The following CFAP74 variants were observed in gnomAD, a reference collection of about 807,000 sequenced individuals.
CFAP74 encodes cilia and flagella associated protein 74.
Under a neutral mutation model 188.9 loss-of-function variants are expected in CFAP74, and 124 were observed. The observed-to-expected ratio is 0.66, with a 90% CI of 0.57 to 0.76. The LOEUF is 0.76. Ranked by LOEUF, CFAP74 falls within the 30% of genes least tolerant of loss-of-function variation. The pLI, the probability that CFAP74 is intolerant of heterozygous loss-of-function variation, is 0.00. For missense variants in CFAP74, 2,198 were observed against 2,165.2 expected, an observed-to-expected ratio of 1.02 and a Z score of -0.30; for synonymous variants, 956 against 916.7, an observed-to-expected ratio of 1.04 and a Z score of -0.77.
rs1652031334 is a variant in CFAP74 at position 1,927,763 on chromosome 1, T to G, written c.3388-17A>C. The G allele has an allele frequency of 1.3e-6, 2 of 1,547,950 alleles. No individual in the cohort carries two copies. The highest frequency in any genetic ancestry group is 1.7e-6 in the Non-Finnish European group (2 of 1,145,618). ...CTTTCGGAACTGTGGGGGGAGCGAC[T>G]GGCTGTGGGGCTGTGCAGGGCCCTA... On this transcript the variant is annotated splice_polypyrimidine_tract_variant and intron_variant, in intron 27 of 38. Coordinates refer to ENST00000682832, the MANE Select transcript of CFAP74 (RefSeq NM_001304360.2).
intron 27 of CFAP74, 50 bp from the exon 28 acceptor site, chr1:1,927,796 C>T (rs891901548): frequency 6.6e-7 from 1 of 1,517,810 alleles, no homozygotes; most frequent in African/African-American, 1.4e-5. Context: ...CTAAACACAG[C>T]CAGCTGTGCC....
chr1:1,923,662 T>C lies in CFAP74; in HGVS notation c.4389+113A>G, dbSNP rs1570805532. ...TGACGGCCCTCAGTGTGGTGCTGAG[T>C]CCCCCAGCCATGGTACCCTCAGGGC... On this transcript the variant is annotated intron_variant, in intron 35 of 38. Coordinates refer to ENST00000682832, the MANE Select transcript of CFAP74 (RefSeq NM_001304360.2). The surrounding 1 kb of genome is among the most constrained non-coding windows in gnomAD (Gnocchi z 6.3). The C allele has an allele frequency of 6.5e-7, 1 of 1,549,842 alleles. No individual in the cohort carries two copies. Among genetic ancestry groups the C allele is most frequent in the Non-Finnish European group, 8.8e-7 (1 of 1,130,902 alleles).
chr1:1,970,521 C>T (rs554783757), intron 10 of CFAP74, 138 bp downstream of exon 10: 12 of 950,166 alleles, frequency 1.3e-5, no homozygotes, highest in African/African-American at 1.2e-4. Flanking sequence ...CCCCTGTTCC[C>T]GTGCCCCACA....
intron 22 of CFAP74, among the ~76,000 whole-genome samples, chr1:1,941,792 CTG>C (rs1414437265): frequency 1.3e-5 from 2 of 152,206 alleles, no homozygotes; most frequent in East Asian, 3.8e-4. Context: ...TTGGAAACCT[CTG>C]TACAAAAAAA....
rs1390030546 is a variant in CFAP74, at chr1:1,975,204, T to G, written c.501-1006A>C. ...AGCCGAGTCCAGTCTCTCTCCCCAC[T>G]GCAACACCCGGGGCAGGGGTCCCAC... is the stretch of plus-strand genomic sequence containing the variant. On this transcript the variant is annotated intron_variant, in intron 6 of 38. Transcript: ENST00000682832. This position sits in a 1 kb window ranked among gnomAD's most constrained non-coding sequence, Gnocchi z 4.5. Among the ~76,000 whole-genome samples, 4 of 152,230 alleles carry G rather than the reference T, an allele frequency of 2.6e-5. No homozygotes were observed. The highest frequency in any genetic ancestry group is 5.9e-5 in the Non-Finnish European group (4 of 68,034).
chr1:1,993,966 A>T (rs900745586), intron 1 of CFAP74, among the ~76,000 whole-genome samples: 12 of 151,340 alleles, frequency 7.9e-5, no homozygotes, highest in Admixed American at 6.6e-5. Context: ...TGGGCGACAG[A>T]GCAAGACTCC....
chr1:1,959,832 A>G lies in CFAP74; in HGVS notation c.1761+132T>C, dbSNP rs913720692. Reference sequence around the variant, plus strand: ...ATTTTTGGAAGTAAAATAGCAAAACAGGGGCCTGCGTGATCCTCACTGAGA... The same window carrying G: ...ATTTTTGGAAGTAAAATAGCAAAACGGGGGCCTGCGTGATCCTCACTGAGA... On this transcript the variant is annotated intron_variant, in intron 15 of 38. Transcript: ENST00000682832. 9.9e-6 allele frequency: 7 copies of G among 703,988 alleles called. No individual in the cohort carries two copies. The African/African-American group carries it at 1.1e-4, about 12-fold the overall frequency. The allele number at this position is 703,988 out of a possible 1,614,324, so 43.6% of individuals were successfully genotyped here.
intron 25 of CFAP74, among the ~76,000 whole-genome samples, chr1:1,932,094 C>A (rs112267549): frequency 0.019 from 1,929 of 101,854 alleles, 103 homozygotes; most frequent in African/African-American, 0.08. Flanking sequence ...AAACAAAAAA[C>A]AAAAAACTTA....
chr1:1,977,395 C>A (rs886929010), intron 6 of CFAP74, among the ~76,000 whole-genome samples: 1 of 152,192 alleles, frequency 6.6e-6, no homozygotes, highest in East Asian at 1.9e-4. Flanking sequence ...GGGAAGCAGC[C>A]TTCCCCTCCC....
rs1651426916 is a variant in CFAP74, at chr1:1,922,110, T to C, written c.*177A>G. On this transcript the variant is annotated 3_prime_UTR_variant, in exon 39 of 39. Transcript: ENST00000682832. ...CAGGAGGGGTGCTCTTGGATGTCCC[T>C]GGGCTTGCGGGGTCCAGGGCAGCAG... The C allele has an allele frequency of 1.7e-5, 10 of 577,418 alleles. No homozygotes were observed. In the South Asian group the frequency reaches 1.9e-4, roughly 11 times the overall value. 35.8% of individuals were successfully genotyped at this position (577,418 alleles called of 1,614,324 possible). A position where few individuals can be genotyped will look rare whatever the true frequency, so the allele number is the denominator to read the frequency against.
intron 5 of CFAP74, among the ~76,000 whole-genome samples, chr1:1,985,862 G>A (rs1178738481): frequency 6.6e-6 from 1 of 152,216 alleles, no homozygotes; most frequent in Non-Finnish European, 1.5e-5. Flanking sequence ...CCTCCCTCCT[G>A]TTCCCCTCCT....
Position 1,968,630 on chromosome 1 carries a change from C to G in CFAP74, c.1245+5G>C. 6.2e-7 allele frequency: 1 copy of G among 1,612,094 alleles called. No individual in the cohort carries two copies. The highest frequency in any genetic ancestry group is 8.5e-7 in the Non-Finnish European group (1 of 1,178,838). On this transcript the variant is annotated splice_donor_5th_base_variant and intron_variant, in intron 11 of 38. Coordinates refer to ENST00000682832, the MANE Select transcript of CFAP74 (RefSeq NM_001304360.2). The surrounding 1 kb of genome is among the most constrained non-coding windows in gnomAD (Gnocchi z 4.3). ...CTTCTGTCTACAGGAAGGCGTTTTGCTCACCAGTGTGTACGTGTTGGTTGG... is the reference window on the plus strand; with the variant it reads ...CTTCTGTCTACAGGAAGGCGTTTTGGTCACCAGTGTGTACGTGTTGGTTGG...
At chr1:1,957,094 G>A (rs1654697431) in intron 16 of CFAP74, among the ~76,000 whole-genome samples, 1 of 152,240 alleles carries the variant, frequency 6.6e-6, no homozygotes, top group Non-Finnish European at 1.5e-5. Context: ...GGCTTTGGAG[G>A]TCCTGAGGAT....
At chr1:1,939,944 G>A (rs1558004364) in intron 23 of CFAP74, among the ~76,000 whole-genome samples, 177 bp from the exon 24 acceptor site, 1 of 152,234 alleles carries the variant, frequency 6.6e-6, no homozygotes, top group Non-Finnish European at 1.5e-5. Flanking sequence ...CTGACATGGC[G>A]GGAGGAGCTG....
At chr1:1,928,954 T>C in intron 26 of CFAP74, 72 bp from the exon 27 acceptor site, 1 of 1,019,674 alleles carries the variant, frequency 9.8e-7, no homozygotes, top group Non-Finnish European at 1.5e-6. Flanking sequence ...GCGGGCACTC[T>C]ACCGTCCTCT....
chr1:1,924,662 G>A, intron 33 of CFAP74, 142 bp from the exon 34 acceptor site: 2 of 843,634 alleles, frequency 2.4e-6, no homozygotes, highest in East Asian at 3.0e-5. Context: ...CAGCACACGT[G>A]GCGGTTTATT....
At chr1:1,927,058 G>A (rs1034330077) in intron 28 of CFAP74, 30 bp from the exon 29 acceptor site, 5 of 1,549,494 alleles carry the variant, frequency 3.2e-6, no homozygotes, top group African/African-American at 2.7e-5. Context: ...TTGCGCTCCC[G>A]CCTTGCCCCC....
chr1:1,945,927 A>G lies in CFAP74; in HGVS notation c.2364+390T>C, dbSNP rs1317556939. On this transcript the variant is annotated intron_variant, in intron 20 of 38. Transcript: ENST00000682832. ...GTGTGCATGTGTGTGAGGACTCTGC[A>G]TGTGTGCACGTGTGTGTGGGGGCTC... is the stretch of plus-strand genomic sequence containing the variant. Among the ~76,000 whole-genome samples, 14 of 115,918 alleles carry G rather than the reference A, an allele frequency of 1.2e-4. 1 individual carries two copies. The highest frequency in any genetic ancestry group is 1.8e-4 in the Non-Finnish European group (11 of 59,836). The allele number at this position is 115,918 out of a possible 152,430, so 76.0% of individuals were successfully genotyped here. A position where few individuals can be genotyped will look rare whatever the true frequency, so the allele number is the denominator to read the frequency against.
intron 4 of CFAP74, 72 bp downstream of exon 4, chr1:1,988,440 C>G (rs1159095089): frequency 5.1e-6 from 8 of 1,581,294 alleles, no homozygotes; most frequent in South Asian, 4.5e-5. Flanking sequence ...ACAGGACCAC[C>G]CCTGCTGCAC....
Sources: gnomAD v4.1 joint callset for allele counts (sites outside exome capture counted in the v4.1 genomes callset) on GRCh38, gnomAD v4.1.1 for gene constraint, Gnocchi (gnomAD v3.1) non-coding constraint, MANE v1.5 for transcripts, NCBI Gene and HGNC (gene_info 2026-07-23, HGNC 2026-07-21) for gene names.